The following MBNL3 variants were observed in gnomAD, a reference collection of about 807,000 sequenced individuals.
The protein encoded by MBNL3 is muscleblind-like protein 3.
In MBNL3, 6 loss-of-function variants were observed where a neutral mutation model predicts 24.5. That is an observed-to-expected ratio of 0.25 (90% CI 0.13 to 0.48). The LOEUF (loss-of-function observed/expected upper bound fraction) is 0.48, where lower values mean the gene tolerates loss of function less well. Among genes scored for constraint, MBNL3 ranks in the 20% least tolerant of loss-of-function variants. MBNL3 has a pLI of 0.99. For synonymous variants in MBNL3, 100 were observed against 101.7 expected, an observed-to-expected ratio of 0.98 and a Z score of 0.10; for missense variants, 230 against 293.5, an observed-to-expected ratio of 0.78 and a Z score of 1.58.
At position 132,372,528 on chromosome X, in the gene MBNL3, A is replaced by C. The variant is rs968186784; in HGVS notation, c.*7138T>G. 1.8e-5 allele frequency: 2 copies of C among 108,617 alleles called. No homozygotes were observed. Among genetic ancestry groups the C allele is most frequent in the Non-Finnish European group, 3.8e-5 (2 of 52,346 alleles). 9.0% of individuals were successfully genotyped at this position (108,617 alleles called of 1,213,427 possible). ...AATATTAATAAATAAGTTTATTTTG[A>C]AAAGGGCATTCATTCCCATAATCCA... On this transcript the variant is annotated 3_prime_UTR_variant, in exon 9 of 9. Coordinates refer to ENST00000370853, the MANE Select transcript of MBNL3 (RefSeq NM_001386889.1).
rs369516629 is a variant in MBNL3, at chrX:132,441,358, A to G, written c.-703-1044T>C. Among the ~76,000 whole-genome samples the G allele has an allele frequency of 9.9e-5, 11 of 111,604 alleles. No homozygotes were observed. In the East Asian group the frequency reaches 3.1e-3, roughly 31 times the overall value. On this transcript the variant is annotated intron_variant, in intron 1 of 8. Transcript: ENST00000370853. ...GAATTTTCCAGCTCTCTTCCAAAAA[A>G]CCTAATAGCCAGTCATGAATGTTGA...
chrX:132,415,330 A>G (rs888210083), intron 2 of MBNL3, among the ~76,000 whole-genome samples: 2 of 112,480 alleles, frequency 1.8e-5, no homozygotes, highest in African/African-American at 6.5e-5. Context: ...AAAAGTTTCA[A>G]AGAAGAATTT....
At chrX:132,448,685 T>G (rs973127932) in intron 1 of MBNL3, among the ~76,000 whole-genome samples, 9 of 111,678 alleles carry the variant, frequency 8.1e-5, no homozygotes, top group Admixed American at 7.6e-4. Flanking sequence ...CTGCTAGCTT[T>G]TGAGTTTGTT....
chrX:132,409,742 T>A (rs192086761), intron 2 of MBNL3, among the ~76,000 whole-genome samples: 1 of 110,824 alleles, frequency 9.0e-6, no homozygotes, highest in East Asian at 2.9e-4. Flanking sequence ...AGTCAAGACA[T>A]GAAAATCAAC....
chrX:132,389,694 G>A (rs778316187), intron 5 of MBNL3, among the ~76,000 whole-genome samples: 72 of 110,942 alleles, frequency 6.5e-4, no homozygotes, highest in Non-Finnish European at 1.2e-3. Flanking sequence ...ATTACACAAG[G>A]AAAGGTCCAG....
rs1405371180 is a variant in MBNL3, at chrX:132,453,077, ACCTG to A, written c.-703-12767_-703-12764del. Reference sequence around the variant, plus strand: ...TAAGGGCTGGAAGATCAGACTGGGCACCTGGCGTGTGTAGGATGGTGAGCATACA... The same window carrying A: ...TAAGGGCTGGAAGATCAGACTGGGCAGCGTGTGTAGGATGGTGAGCATACA... On this transcript the variant is annotated intron_variant, in intron 1 of 8. Transcript: ENST00000370853. Among the ~76,000 whole-genome samples, 4 of 111,763 alleles carry A rather than the reference ACCTG, an allele frequency of 3.6e-5. No homozygotes were observed. The Admixed American group carries it at 3.8e-4, about 11-fold the overall frequency.
At chrX:132,402,695 C>T (rs1225962159) in intron 3 of MBNL3, among the ~76,000 whole-genome samples, 1 of 111,728 alleles carries the variant, frequency 9.0e-6, no homozygotes, top group African/African-American at 3.3e-5. Flanking sequence ...TGGCAAATGT[C>T]AATTCAGACC....
chrX:132,402,430 C>T (rs1157520144), intron 3 of MBNL3, among the ~76,000 whole-genome samples: 1 of 111,857 alleles, frequency 8.9e-6, no homozygotes, highest in Admixed American at 9.5e-5. Context: ...AATTGTAAAA[C>T]CAAAATTTTA....
rs187007582 is a variant in MBNL3, at chrX:132,414,042, C to T, written c.178-7650G>A. On this transcript the variant is annotated intron_variant, in intron 2 of 8. Transcript: ENST00000370853. Reference sequence around the variant, plus strand: ...ACATGTTTCTATATGCACACATAAGCGCTATAAAGGTACAGATTCACAGCA... The same window carrying T: ...ACATGTTTCTATATGCACACATAAGTGCTATAAAGGTACAGATTCACAGCA... Among the ~76,000 whole-genome samples, 12 of 111,851 alleles carry T rather than the reference C, an allele frequency of 1.1e-4. No homozygotes were observed. The East Asian group carries it at 3.1e-3, about 29-fold the overall frequency.
At chrX:132,416,535 C>G (rs1206820460) in intron 2 of MBNL3, among the ~76,000 whole-genome samples, 7 of 110,850 alleles carry the variant, frequency 6.3e-5, no homozygotes, top group Admixed American at 2.9e-4. Context: ...AATAGGGTGA[C>G]TATAGTTAAT....
At chrX:132,484,933 GCACACA>G (rs3044539) in intron 1 of MBNL3, among the ~76,000 whole-genome samples, 12 of 102,610 alleles carry the variant, frequency 1.2e-4, no homozygotes, top group Non-Finnish European at 1.8e-4. Flanking sequence ...ATACACACGC[GCACACA>G]CACACACACA....
At chrX:132,448,406 T>C (rs1945854735) in intron 1 of MBNL3, among the ~76,000 whole-genome samples, 1 of 112,073 alleles carries the variant, frequency 8.9e-6, no homozygotes, top group Non-Finnish European at 1.9e-5. Context: ...ATCCATTTCT[T>C]CTAGATTTTC....
intron 3 of MBNL3, among the ~76,000 whole-genome samples, chrX:132,403,661 C>A (rs772691961): frequency 4.7e-4 from 53 of 111,738 alleles, no homozygotes; most frequent in African/African-American, 1.6e-3. Flanking sequence ...CCAGTGTGAG[C>A]CAGCACGATC....
chrX:132,370,580 G>A lies in MBNL3; in HGVS notation c.*9086C>T, dbSNP rs1933529969. 1 of 111,807 alleles carries A rather than the reference G, an allele frequency of 8.9e-6. No homozygotes were observed. The highest frequency in any genetic ancestry group is 1.9e-5 in the Non-Finnish European group (1 of 53,170). 9.2% of individuals were successfully genotyped at this position (111,807 alleles called of 1,213,427 possible). On this transcript the variant is annotated 3_prime_UTR_variant, in exon 9 of 9. Coordinates refer to ENST00000370853, the MANE Select transcript of MBNL3 (RefSeq NM_001386889.1). The stretch of plus-strand genomic sequence containing the variant: ...GTGTCTGATATTTGCCCATTGGAAA[G>A]TCATGCCTTTTTAAATGTGAACACT...
chrX:132,417,825 AT>A (rs1433674420), intron 2 of MBNL3, among the ~76,000 whole-genome samples: 1 of 112,336 alleles, frequency 8.9e-6, no homozygotes, highest in Admixed American at 9.4e-5. Context: ...GGTAAATCAA[AT>A]TCCATTCTCA....
chrX:132,386,945 G>A, intron 5 of MBNL3, 134 bp from the exon 6 acceptor site: 1 of 704,315 alleles, frequency 1.4e-6, no homozygotes, highest in South Asian at 2.8e-5. Flanking sequence ...TGGATAAGCA[G>A]TGGCCCCACA....
chrX:132,484,467 G>A lies in MBNL3; in HGVS notation c.-704+4384C>T, dbSNP rs1028549688. Among the ~76,000 whole-genome samples the A allele has an allele frequency of 8.9e-5, 10 of 111,880 alleles. 1 individual carries two copies. The Admixed American group carries it at 9.4e-4, about 11-fold the overall frequency. On this transcript the variant is annotated intron_variant, in intron 1 of 8. Transcript: ENST00000370853. ...GTTACTGGTACATTCAAGGAAACCTGAGTAAGCCTGAGGAAACCTTTCTCA... is the reference window on the plus strand; with the variant it reads ...GTTACTGGTACATTCAAGGAAACCTAAGTAAGCCTGAGGAAACCTTTCTCA...
At chrX:132,418,129 T>C (rs1466354704) in intron 2 of MBNL3, among the ~76,000 whole-genome samples, 1 of 112,129 alleles carries the variant, frequency 8.9e-6, no homozygotes, top group Admixed American at 9.4e-5. Context: ...AGACACCAGG[T>C]TGAGGCCCCT....
At chrX:132,381,260 T>C (rs1934883173) in intron 8 of MBNL3, 1 of 473,212 alleles carries the variant, frequency 2.1e-6, no homozygotes, top group South Asian at 5.0e-5. Flanking sequence ...GCAATGTCTA[T>C]GAATGAAAAT....
Sources: gnomAD v4.1 joint callset for allele counts (sites outside exome capture counted in the v4.1 genomes callset) on GRCh38, gnomAD v4.1.1 for gene constraint, MANE v1.5 for transcripts, NCBI Gene and HGNC (gene_info 2026-07-23, HGNC 2026-07-21) for gene names.